Variants in ATP6V0E1 observed in about 807,000 individuals in gnomAD.
The protein encoded by ATP6V0E1 is V-type proton ATPase subunit e 1.
Under a neutral mutation model 11.6 loss-of-function variants are expected in ATP6V0E1, and 4 were observed. The observed-to-expected ratio is 0.35, with a 90% CI of 0.17 to 0.79. The LOEUF is 0.79. Among genes scored for constraint, ATP6V0E1 ranks in the 30% least tolerant of loss-of-function variants. The pLI is 0.54. For synonymous variants in ATP6V0E1, 36 were observed against 34.8 expected (o/e 1.04, Z -0.13); for missense variants, 105 against 100.0 (o/e 1.05, Z -0.21).
intron 3 of ATP6V0E1, among the ~76,000 whole-genome samples, chr5:173,028,663 T>C (rs1293513495): frequency 1.3e-5 from 2 of 152,230 alleles, no homozygotes; most frequent in African/African-American, 4.8e-5. Context: ...TTTCCTGAAT[T>C]GAAGAACCGA....
At chr5:173,025,291 C>T (rs1756541176) in intron 3 of ATP6V0E1, among the ~76,000 whole-genome samples, 1 of 150,358 alleles carries the variant, frequency 6.7e-6, no homozygotes, top group East Asian at 2.0e-4. Flanking sequence ...ACTATAGGCA[C>T]ACACCACCAC....
At chr5:173,008,489 T>C (rs1163904409) in intron 2 of ATP6V0E1, among the ~76,000 whole-genome samples, 1 of 150,492 alleles carries the variant, frequency 6.6e-6, no homozygotes, top group Admixed American at 6.6e-5. Flanking sequence ...TTAATAGAGA[T>C]GGGGTTTCAC....
At chr5:172,992,395 A>G (rs1755998011) in intron 1 of ATP6V0E1, among the ~76,000 whole-genome samples, 1 of 152,140 alleles carries the variant, frequency 6.6e-6, no homozygotes, top group African/African-American at 2.4e-5. Flanking sequence ...TAAGAGTGAA[A>G]GTCCTTTCAG....
chr5:173,034,498 C>G lies in ATP6V0E1; in HGVS notation c.*136C>G, dbSNP rs955921095. 1 of 700,776 alleles carries G rather than the reference C, an allele frequency of 1.4e-6. No homozygotes were observed. Among genetic ancestry groups the G allele is most frequent in the Non-Finnish European group, 2.6e-6 (1 of 383,138 alleles). 43.4% of individuals were successfully genotyped at this position (700,776 alleles called of 1,614,324 possible). On this transcript the variant is annotated 3_prime_UTR_variant, in exon 4 of 4. Coordinates refer to ENST00000519374, the MANE Select transcript of ATP6V0E1 (RefSeq NM_003945.4). ...GGCCATTAGCTGCCTTAAACGTTAACAGCACATTTGAATGCCTTATTCTAC... is the reference window on the plus strand; with the variant it reads ...GGCCATTAGCTGCCTTAAACGTTAAGAGCACATTTGAATGCCTTATTCTAC...
At chr5:173,029,236 T>A (rs1386831954) in intron 3 of ATP6V0E1, among the ~76,000 whole-genome samples, 1 of 152,158 alleles carries the variant, frequency 6.6e-6, no homozygotes, top group Non-Finnish European at 1.5e-5. Context: ...TGGGAGAAGT[T>A]CAATAGTGCA....
At chr5:173,014,415 T>C (rs1330751936) in intron 2 of ATP6V0E1, among the ~76,000 whole-genome samples, 1 of 152,168 alleles carries the variant, frequency 6.6e-6, no homozygotes. Flanking sequence ...ATACCTGCAC[T>C]CTCGCATGTT....
At chr5:172,994,497 G>A (rs1278488223) in intron 1 of ATP6V0E1, among the ~76,000 whole-genome samples, 1 of 152,106 alleles carries the variant, frequency 6.6e-6, no homozygotes, top group East Asian at 1.9e-4. Flanking sequence ...TTGTCACTGC[G>A]GCCTTTCCTG....
chr5:173,030,622 G>A (rs1389679803), intron 3 of ATP6V0E1, among the ~76,000 whole-genome samples: 1 of 150,602 alleles, frequency 6.6e-6, no homozygotes, highest in East Asian at 2.0e-4. Context: ...TGTATTTTTA[G>A]TAGAGACGGG....
At chr5:173,009,453 T>C (rs79741091) in intron 2 of ATP6V0E1, among the ~76,000 whole-genome samples, 26 of 137,416 alleles carry the variant, frequency 1.9e-4, no homozygotes, top group East Asian at 1.3e-3. Flanking sequence ...GATAGCCACT[T>C]CCCTTTTTTT....
intron 2 of ATP6V0E1, among the ~76,000 whole-genome samples, chr5:173,017,457 C>T (rs931170933): frequency 6.6e-6 from 1 of 151,664 alleles, no homozygotes; most frequent in Non-Finnish European, 1.5e-5. Context: ...TCGCTTGAAC[C>T]CGGGAGGCAG....
intron 2 of ATP6V0E1, among the ~76,000 whole-genome samples, chr5:173,010,758 C>T (rs1477542897): frequency 1.3e-5 from 2 of 152,178 alleles, no homozygotes; most frequent in African/African-American, 2.4e-5. Context: ...GAAGAGAGGT[C>T]CTGGCCAGAC....
In ATP6V0E1 at chr5:173,015,007, T is replaced by G. The variant is rs183472038; in HGVS notation, c.153-5231T>G. Among the ~76,000 whole-genome samples the G allele has an allele frequency of 5.2e-3, 785 of 152,338 alleles. 10 individuals carry two copies. The highest frequency in any genetic ancestry group is 0.018 in the African/African-American group (732 of 41,580). ...ATTCTTTCTTCTGGATATTCTTTAGTGAAGGCACCAAAGGCTTGTGTTGAA... is the reference window on the plus strand; with the variant it reads ...ATTCTTTCTTCTGGATATTCTTTAGGGAAGGCACCAAAGGCTTGTGTTGAA... On this transcript the variant is annotated intron_variant, in intron 2 of 3. Coordinates refer to ENST00000519374, the MANE Select transcript of ATP6V0E1 (RefSeq NM_003945.4).
rs1430328867 is a variant in ATP6V0E1 at position 173,034,616 on chromosome 5, A to T, written c.*254A>T. On this transcript the variant is annotated 3_prime_UTR_variant, in exon 4 of 4. Transcript: ENST00000519374. Reference sequence around the variant, plus strand: ...TGCCGACTCCACAAAACGATTATGTACTCTTCTGAGATAGAAGATGCTGTT... The same window carrying T: ...TGCCGACTCCACAAAACGATTATGTTCTCTTCTGAGATAGAAGATGCTGTT... The T allele has an allele frequency of 3.0e-5, 18 of 590,632 alleles. No individual in the cohort carries two copies. The Admixed American group carries it at 5.0e-4, about 16-fold the overall frequency. 36.6% of individuals were successfully genotyped at this position (590,632 alleles called of 1,614,324 possible). A position where few individuals can be genotyped will look rare whatever the true frequency, so the allele number is the denominator to read the frequency against.
At chr5:172,992,242 G>A (rs1432699385) in intron 1 of ATP6V0E1, among the ~76,000 whole-genome samples, 4 of 151,980 alleles carry the variant, frequency 2.6e-5, no homozygotes, top group African/African-American at 7.3e-5. Flanking sequence ...CAGTAGAGAC[G>A]GGGTTTCACC....
chr5:173,010,976 G>A (rs1181849649), intron 2 of ATP6V0E1, among the ~76,000 whole-genome samples: 1 of 151,982 alleles, frequency 6.6e-6, no homozygotes, highest in Non-Finnish European at 1.5e-5. Context: ...GGCCAGGGAG[G>A]GTTTATAGTA....
chr5:173,015,844 A>T (rs972689230), intron 2 of ATP6V0E1, among the ~76,000 whole-genome samples: 2 of 151,964 alleles, frequency 1.3e-5, no homozygotes, highest in Admixed American at 6.6e-5. Context: ...CTCCTGCCTC[A>T]CCCTCCCAAG....
At chr5:173,029,568 C>A (rs1756616842) in intron 3 of ATP6V0E1, among the ~76,000 whole-genome samples, 1 of 152,126 alleles carries the variant, frequency 6.6e-6, no homozygotes, top group Admixed American at 6.6e-5. Context: ...CAGAATACCA[C>A]CCTGTTTATC....
chr5:173,010,819 G>A (rs1046374113), intron 2 of ATP6V0E1, among the ~76,000 whole-genome samples: 5 of 152,166 alleles, frequency 3.3e-5, no homozygotes, highest in African/African-American at 1.2e-4. Flanking sequence ...GTGTCACCGG[G>A]AAGTAACCTG....
At chr5:172,998,190 CTTTTTTTTTTTT>C (rs999790390) in intron 2 of ATP6V0E1, among the ~76,000 whole-genome samples, 2 of 104,892 alleles carry the variant, frequency 1.9e-5, no homozygotes, top group African/African-American at 3.8e-5. Flanking sequence ...AAAATTTAGT[CTTTTTTTTTTTT>C]TTTTTTTTTG....
Sources: gnomAD v4.1 joint callset for allele counts (sites outside exome capture counted in the v4.1 genomes callset) on GRCh38, gnomAD v4.1.1 for gene constraint, MANE v1.5 for transcripts, NCBI Gene and HGNC (gene_info 2026-07-23, HGNC 2026-07-21) for gene names.